RSF1: variants seen among roughly 807,000 people sequenced by gnomAD.
RSF1 encodes HBV pX-associated protein 8.
Under a neutral mutation model 145.2 loss-of-function variants are expected in RSF1, and 13 were observed. The observed-to-expected ratio is 0.09, with a 90% CI of 0.06 to 0.14. The LOEUF (loss-of-function observed/expected upper bound fraction) is 0.14, where lower values mean the gene tolerates loss of function less well. Among genes scored for constraint, RSF1 ranks in the 10% least tolerant of loss-of-function variants. RSF1 has a pLI of 1.00. For synonymous variants in RSF1, 577 were observed against 592.6 expected (o/e 0.97, Z 0.38); for missense variants, 1,517 against 1,718.2 (o/e 0.88, Z 2.07).
chr11:77,774,141 A>G (rs2135948112), intron 1 of RSF1, among the ~76,000 whole-genome samples: 1 of 152,290 alleles, frequency 6.6e-6, no homozygotes, highest in African/African-American at 2.4e-5. Flanking sequence ...AAGCACAGCC[A>G]CCTGCCTTTT....
At chr11:77,712,450 A>G (rs915973868) in intron 5 of RSF1, among the ~76,000 whole-genome samples, 2 of 152,198 alleles carry the variant, frequency 1.3e-5, no homozygotes, top group African/African-American at 4.8e-5. Context: ...ATGAGAACAG[A>G]CTAATACAAC....
At chr11:77,746,977 C>A in intron 3 of RSF1, 59 bp downstream of exon 3, 1 of 1,047,262 alleles carries the variant, frequency 9.5e-7, no homozygotes, top group Non-Finnish European at 1.4e-6. Flanking sequence ...CCAATTTAAC[C>A]AGGAGTCAAA....
chr11:77,691,726 C>T (rs1960154656), intron 8 of RSF1: 1 of 152,434 alleles, frequency 6.6e-6, no homozygotes. Flanking sequence ...TTCTCCACTC[C>T]CAGGGCTTCA....
chr11:77,743,730 G>A (rs1261839310), intron 3 of RSF1, among the ~76,000 whole-genome samples: 1 of 151,922 alleles, frequency 6.6e-6, no homozygotes, highest in African/African-American at 2.4e-5. Flanking sequence ...TAACTGTTCT[G>A]GCTACGACTT....
intron 4 of RSF1, among the ~76,000 whole-genome samples, chr11:77,737,645 T>C (rs1269056179): frequency 4.3e-5 from 4 of 93,950 alleles, no homozygotes; most frequent in African/African-American, 1.5e-4. Context: ...TGTGTGTGTG[T>C]GTGTGTGTGT....
upstream of RSF1, among the ~76,000 whole-genome samples, chr11:77,824,533 T>A (rs1285157353): frequency 1.3e-5 from 2 of 152,218 alleles, no homozygotes; most frequent in East Asian, 3.8e-4. Flanking sequence ...TAAATTGTGA[T>A]ATACTACTCA....
At chr11:77,692,802 C>T (rs1314317367) in intron 8 of RSF1, among the ~76,000 whole-genome samples, 2 of 151,876 alleles carry the variant, frequency 1.3e-5, no homozygotes, top group African/African-American at 2.4e-5. Flanking sequence ...CTCAGCCTCC[C>T]GAGTAGCTTG....
At chr11:77,868,763 C>A in the RSF1 span, 1 of 234,462 alleles carries the variant, frequency 4.3e-6, no homozygotes, top group South Asian at 8.0e-5. Flanking sequence ...GGCTCCTTCC[C>A]ACTGGTTCTT....
chr11:77,683,291 G>GA (rs1959914871), intron 11 of RSF1, among the ~76,000 whole-genome samples: 1 of 151,922 alleles, frequency 6.6e-6, no homozygotes, highest in Non-Finnish European at 1.5e-5. Flanking sequence ...CTCCATCTTG[G>GA]AAAAAACAAA....
At chr11:77,857,461 T>A in the RSF1 span, among the ~76,000 whole-genome samples, 6 of 152,354 alleles carry the variant, frequency 3.9e-5, no homozygotes, top group South Asian at 1.0e-3. Flanking sequence ...TATAGGAATA[T>A]CTACAAATAT....
the RSF1 span, among the ~76,000 whole-genome samples, chr11:77,845,295 C>T: frequency 1.3e-5 from 2 of 151,874 alleles, no homozygotes; most frequent in Non-Finnish European, 2.9e-5. Flanking sequence ...CATTTTTTTT[C>T]TTTCCTTTGT....
At chr11:77,772,018 T>G (rs555671334) in intron 1 of RSF1, among the ~76,000 whole-genome samples, 1 of 152,366 alleles carries the variant, frequency 6.6e-6, no homozygotes, top group Non-Finnish European at 1.5e-5. Flanking sequence ...AGTGACTGCT[T>G]TATGTGTCCT....
chr11:77,869,276 C>T, the RSF1 span: 41 of 169,924 alleles, frequency 2.4e-4, no homozygotes, highest in African/African-American at 9.8e-4. Context: ...ACTTGGAATG[C>T]CTTGTTTCCC....
intron 2 of RSF1, among the ~76,000 whole-genome samples, chr11:77,759,136 G>GT (rs755792972): frequency 1.3e-5 from 2 of 152,152 alleles, no homozygotes; most frequent in Non-Finnish European, 2.9e-5. Flanking sequence ...ATATGAAACA[G>GT]TGTATCCACT....
rs189204571 is a variant in RSF1 at position 77,739,467 on chromosome 11, G to A, written c.578+1264C>T. 3.9e-5 allele frequency: 6 copies of A among 152,262 alleles called. No homozygotes were observed. In the East Asian group the frequency reaches 9.6e-4, roughly 24 times the overall value. 9.4% of individuals were successfully genotyped at this position (152,262 alleles called of 1,614,324 possible). A position where few individuals can be genotyped will look rare whatever the true frequency, so the allele number is the denominator to read the frequency against. On this transcript the variant is annotated intron_variant, in intron 4 of 15. Coordinates refer to ENST00000308488, the MANE Select transcript of RSF1 (RefSeq NM_016578.4). The stretch of plus-strand genomic sequence containing the variant: ...GTTTAGGACTACTTTGTTCACCTCC[G>A]TTTAGCAAATTAATTACAAGGAAAA...
intron 5 of RSF1, among the ~76,000 whole-genome samples, chr11:77,724,051 C>T (rs1251802106): frequency 1.3e-5 from 2 of 151,556 alleles, no homozygotes; most frequent in African/African-American, 4.9e-5. Flanking sequence ...GTTTTCAAAG[C>T]ATAACAAAAA....
chr11:77,825,053 T>C (rs1168110299), upstream of RSF1, among the ~76,000 whole-genome samples: 1 of 152,176 alleles, frequency 6.6e-6, no homozygotes, highest in East Asian at 1.9e-4. Context: ...CGATCTCAGC[T>C]CACTGCATGC....
At chr11:77,846,786 A>C in the RSF1 span, among the ~76,000 whole-genome samples, 1 of 152,186 alleles carries the variant, frequency 6.6e-6, no homozygotes, top group Non-Finnish European at 1.5e-5. Flanking sequence ...ATTTGTCTGA[A>C]AAGGTCCTTG....
intron 2 of RSF1, among the ~76,000 whole-genome samples, chr11:77,760,351 C>T (rs1011904563): frequency 2.0e-5 from 3 of 152,082 alleles, no homozygotes; most frequent in African/African-American, 7.2e-5. Flanking sequence ...TTTTATGATT[C>T]CATTTATAAG....
Sources: gnomAD v4.1 joint callset for allele counts (sites outside exome capture counted in the v4.1 genomes callset) on GRCh38, gnomAD v4.1.1 for gene constraint, MANE v1.5 for transcripts, NCBI Gene and HGNC (gene_info 2026-07-23, HGNC 2026-07-21) for gene names.